The following CREBBP variants were observed in gnomAD, a reference collection of about 807,000 sequenced individuals.
The protein encoded by CREBBP is CREB binding lysine acetyltransferase, also known as CREB-binding protein.
Under a neutral mutation model 265.0 loss-of-function variants are expected in CREBBP, and 19 were observed. The ratio of observed to expected loss-of-function variants is 0.07; its 90% confidence interval spans 0.05 to 0.11. The LOEUF is 0.11. Among genes scored for constraint, CREBBP ranks in the 10% least tolerant of loss-of-function variants. CREBBP has a pLI of 1.00. For missense variants in CREBBP, 2,525 were observed against 3,219.0 expected, an observed-to-expected ratio of 0.78 and a Z score of 5.22; for synonymous variants, 1,457 against 1,223.7, an observed-to-expected ratio of 1.19 and a Z score of -3.98.
At chr16:3,849,426 T>TGTGTGTGTGTGTGTGTGTG (rs2054749063) in intron 2 of CREBBP, among the ~76,000 whole-genome samples, 2 of 7,768 alleles carry the variant, frequency 2.6e-4, no homozygotes, top group Non-Finnish European at 1.6e-3. Context: ...TGTGTGTGTG[T>TGTGTGTGTGTGTGTGTGTG]GTGTGTGTGT....
intron 11 of CREBBP, among the ~76,000 whole-genome samples, chr16:3,776,688 C>G (rs1213570802): frequency 2.0e-5 from 3 of 152,074 alleles, no homozygotes; most frequent in Non-Finnish European, 4.4e-5. Context: ...CTAAGAGTAA[C>G]GTACCACACC....
chr16:3,770,879 C>A lies in CREBBP; in HGVS notation c.2571G>T (p.Pro857=), dbSNP rs750068674. The A allele has an allele frequency of 6.8e-6, 11 of 1,613,498 alleles. No homozygotes were observed. The Admixed American group carries it at 1.7e-4, about 24-fold the overall frequency. The change falls in exon 14 of 31, where the codon CCG becomes CCT. Residue 857 remains proline, a synonymous_variant. Coordinates refer to ENST00000262367, the MANE Select transcript of CREBBP (RefSeq NM_004380.3). ...TGCCAGCAGCCGTGGAAGCAGGAGG[C>A]GGTGTTGGGTGCAGTGGTGACTGTG... is the stretch of plus-strand genomic sequence containing the variant. The part of the protein sequence containing the change: ...PVTQSPLHPT[P]PPASTAAGMP...
chr16:3,799,188 C>A (rs1567322500), intron 3 of CREBBP, among the ~76,000 whole-genome samples: 1 of 152,166 alleles, frequency 6.6e-6, no homozygotes, highest in Non-Finnish European at 1.5e-5. Flanking sequence ...TGGGGAATAA[C>A]TGCTAATGGT....
At chr16:3,877,760 G>C (rs2055434198) in intron 1 of CREBBP, among the ~76,000 whole-genome samples, 1 of 152,208 alleles carries the variant, frequency 6.6e-6, no homozygotes, top group African/African-American at 2.4e-5. Flanking sequence ...CATACTAACA[G>C]ACCCTTTCAC....
At position 3,850,320 on chromosome 16, in the gene CREBBP, C is replaced by T. The variant is rs750216784; in HGVS notation, c.775G>A (p.Ala259Thr). The change falls in exon 2 of 31, where the codon GCA becomes ACA. Residue 259 changes from alanine (A) to threonine (T), a missense_variant. This residue lies in a region of CREBBP where 356 missense variants were observed against 340.4 expected (regional missense o/e 1.05). Transcript: ENST00000262367. ...QMTGHAGLNT[A>T]QAGGMAKMGI... ...ACCTTGGCCATGCCTCCTGCCTGTGCGGTGTTCAGTCCCGCGTGACCAGTC... is the reference window on the plus strand; with the variant it reads ...ACCTTGGCCATGCCTCCTGCCTGTGTGGTGTTCAGTCCCGCGTGACCAGTC... 15 of 1,614,062 alleles carry T rather than the reference C, an allele frequency of 9.3e-6. No individual in the cohort carries two copies. The highest frequency in any genetic ancestry group is 1.3e-5 in the Non-Finnish European group (15 of 1,180,042).
At chr16:3,872,096 A>T (rs1006031025) in intron 1 of CREBBP, among the ~76,000 whole-genome samples, 32 of 152,352 alleles carry the variant, frequency 2.1e-4, no homozygotes, top group Non-Finnish European at 3.5e-4. Flanking sequence ...CTTAAGGGTA[A>T]GTTTTAAAAG....
intron 6 of CREBBP, 82 bp downstream of exon 6, chr16:3,782,601 GA>G: frequency 6.5e-7 from 1 of 1,541,226 alleles, no homozygotes; most frequent in Non-Finnish European, 8.8e-7. Context: ...AAAACAAACT[GA>G]AAACTGCCTT....
chr16:3,751,228 T>C (rs1011715017), intron 20 of CREBBP, among the ~76,000 whole-genome samples: 4 of 152,206 alleles, frequency 2.6e-5, no homozygotes, highest in African/African-American at 9.7e-5. Flanking sequence ...GCGCTGTGGT[T>C]CAGCCAAAAC....
chr16:3,819,410 G>A (rs545726742), intron 2 of CREBBP, among the ~76,000 whole-genome samples: 1 of 152,326 alleles, frequency 6.6e-6, no homozygotes, highest in South Asian at 2.1e-4. Context: ...GGAGGTGAGA[G>A]ACAGCTTTGG....
chr16:3,770,531 G>C (rs1455210523), intron 14 of CREBBP, 39 bp downstream of exon 14: 2 of 1,604,048 alleles, frequency 1.2e-6, no homozygotes, highest in Non-Finnish European at 8.5e-7. Context: ...TATCTTCTAA[G>C]AGTCTTGGCC....
chr16:3,743,703 G>T (rs1023753609), intron 23 of CREBBP: 4 of 152,132 alleles, frequency 2.6e-5, no homozygotes, highest in African/African-American at 4.8e-5. Context: ...TCAAGCTGCA[G>T]AAGGCCATCC....
intron 3 of CREBBP, among the ~76,000 whole-genome samples, chr16:3,800,507 A>G (rs1304457624): frequency 6.6e-6 from 1 of 151,994 alleles, no homozygotes; most frequent in Non-Finnish European, 1.5e-5. Context: ...ACTTTTCCCA[A>G]TTTTTCCAAA....
intron 1 of CREBBP, among the ~76,000 whole-genome samples, chr16:3,875,198 G>C (rs1026570507): frequency 1.3e-5 from 2 of 152,170 alleles, no homozygotes; most frequent in Non-Finnish European, 2.9e-5. Context: ...GTTCAGCCAG[G>C]AGCGACTTTC....
intron 2 of CREBBP, 56 bp downstream of exon 2, chr16:3,850,241 C>A: frequency 6.3e-7 from 1 of 1,589,136 alleles, no homozygotes; most frequent in South Asian, 1.1e-5. Context: ...ACGCATTACT[C>A]GGAGGGAAAG....
Position 3,726,037 on chromosome 16 carries a change from C to T in CREBBP, c.*1681G>A, listed in dbSNP as rs377663933. The T allele has an allele frequency of 1.2e-4, 27 of 233,262 alleles. No homozygotes were observed. Among genetic ancestry groups the T allele is most frequent in the East Asian group, 9.6e-4 (16 of 16,586 alleles). 14.4% of individuals were successfully genotyped at this position (233,262 alleles called of 1,614,324 possible). ...CTCCAAGGGAGGCAGGACCATGTGGCTAAGTGCAAGTATCCCCCGAAGTGG... is the reference window on the plus strand; with the variant it reads ...CTCCAAGGGAGGCAGGACCATGTGGTTAAGTGCAAGTATCCCCCGAAGTGG... On this transcript the variant is annotated 3_prime_UTR_variant, in exon 31 of 31. Transcript: ENST00000262367.
intron 1 of CREBBP, among the ~76,000 whole-genome samples, chr16:3,872,402 G>A (rs1475059454): frequency 6.6e-6 from 1 of 152,118 alleles, no homozygotes; most frequent in Non-Finnish European, 1.5e-5. Context: ...GTGGCCTATT[G>A]TAGCACCCCT....
intron 2 of CREBBP, among the ~76,000 whole-genome samples, chr16:3,839,511 T>C (rs931972141): frequency 1.3e-5 from 2 of 151,664 alleles, no homozygotes; most frequent in Admixed American, 6.6e-5. Context: ...TGAAACCCTG[T>C]CTCTACTGAA....
chr16:3,739,411 G>T, intron 25 of CREBBP, 167 bp downstream of exon 25: 1 of 775,392 alleles, frequency 1.3e-6, no homozygotes, highest in Non-Finnish European at 2.1e-6. Context: ...TTCATTTCCC[G>T]CTAGTTTAAT....
At chr16:3,843,423 A>T (rs1597039878) in intron 2 of CREBBP, among the ~76,000 whole-genome samples, 2 of 141,812 alleles carry the variant, frequency 1.4e-5, no homozygotes, top group Non-Finnish European at 3.0e-5. Context: ...GTTGTCAAAG[A>T]TTTTTTTTTT....
Sources: allele counts gnomAD v4.1 joint callset (sites outside exome capture counted in the v4.1 genomes callset), GRCh38; gene constraint gnomAD v4.1.1; regional missense constraint gnomAD v4.1.1; transcripts MANE v1.5; gene names NCBI Gene and HGNC (gene_info 2026-07-23, HGNC 2026-07-21).